The following MCPH1 variants were observed in gnomAD, a reference collection of about 807,000 sequenced individuals.
MCPH1 encodes microcephalin.
In MCPH1, 104 loss-of-function variants were observed where a neutral mutation model predicts 84.5. That is an observed-to-expected ratio of 1.23 (90% CI 1.05 to 1.45). The LOEUF is 1.45. Among genes scored for constraint, MCPH1 ranks in the 40% most tolerant of loss-of-function variants. The pLI is 0.00. For synonymous variants in MCPH1, 514 were observed against 366.8 expected, an observed-to-expected ratio of 1.40 and a Z score of -4.58; for missense variants, 1,498 against 1,005.7, an observed-to-expected ratio of 1.49 and a Z score of -6.62.
chr8:6,481,833 A>G (rs372477454), intron 11 of MCPH1, among the ~76,000 whole-genome samples: 3 of 152,294 alleles, frequency 2.0e-5, no homozygotes, highest in South Asian at 4.1e-4. Context: ...GTTTATTTGG[A>G]TGAAAGACAG....
chr8:6,607,161 G>C (rs1418934347), intron 12 of MCPH1, among the ~76,000 whole-genome samples: 1 of 152,124 alleles, frequency 6.6e-6, no homozygotes, highest in South Asian at 2.1e-4. Flanking sequence ...TCTCCCCTGG[G>C]GCAGGTTATA....
chr8:6,463,450 G>C (rs909248720), intron 9 of MCPH1, among the ~76,000 whole-genome samples: 5 of 152,198 alleles, frequency 3.3e-5, no homozygotes, highest in Non-Finnish European at 7.3e-5. Flanking sequence ...TGAAAAGAAA[G>C]TATATTTCAG....
At chr8:6,514,807 A>G in intron 12 of MCPH1, 2 of 1,596,272 alleles carry the variant, frequency 1.3e-6, no homozygotes, top group South Asian at 2.2e-5. Context: ...GGTATAAGTG[A>G]CAGAGCCCCC....
At chr8:6,432,959 T>C (rs561851634) in intron 4 of MCPH1, among the ~76,000 whole-genome samples, 1 of 152,232 alleles carries the variant, frequency 6.6e-6, no homozygotes. Flanking sequence ...CAGCTTTCAA[T>C]TTGATGAGTA....
chr8:6,482,949 G>A (rs1356740462), intron 11 of MCPH1, among the ~76,000 whole-genome samples: 1 of 152,146 alleles, frequency 6.6e-6, no homozygotes, highest in Non-Finnish European at 1.5e-5. Flanking sequence ...GATAATAAAA[G>A]GCATGTAGGT....
At chr8:6,480,953 A>C (rs1586026807) in intron 11 of MCPH1, 77 bp downstream of exon 11, 6 of 1,532,170 alleles carry the variant, frequency 3.9e-6, no homozygotes, top group Non-Finnish European at 5.4e-6. Context: ...TGCCGACATC[A>C]GCACTCAGGC....
chr8:6,514,250 T>C (rs1257494072), intron 12 of MCPH1, among the ~76,000 whole-genome samples: 2 of 152,142 alleles, frequency 1.3e-5, no homozygotes, highest in Non-Finnish European at 2.9e-5. Flanking sequence ...AGTGCAGTGG[T>C]GTGATCTTGG....
At chr8:6,598,357 T>C (rs1221692925) in intron 12 of MCPH1, among the ~76,000 whole-genome samples, 1 of 151,332 alleles carries the variant, frequency 6.6e-6, no homozygotes, top group African/African-American at 2.4e-5. Context: ...GATTGGAAAG[T>C]AGGAGGCAAA....
intron 13 of MCPH1, chr8:6,627,368 T>C (rs1056443861): frequency 1.1e-6 from 1 of 876,792 alleles, no homozygotes; most frequent in Non-Finnish European, 1.4e-6. Context: ...CCAGCCCCTC[T>C]CCTCCAAGGA....
In MCPH1 at chr8:6,513,706, A is replaced by T. The variant is rs766886825; in HGVS notation, c.2214+13777A>T. ...TAATTGAGTTCTTCACTTGAGAGAT[A>T]GAAATGTTCATACAATGAGTAAGCC... On this transcript the variant is annotated intron_variant, in intron 12 of 13. Transcript: ENST00000344683. 3.7e-6 allele frequency: 6 copies of T among 1,612,826 alleles called. 1 individual carries two copies. In the South Asian group the frequency reaches 6.6e-5, roughly 18 times the overall value.
At chr8:6,496,588 C>G (rs1404083664) in intron 11 of MCPH1, among the ~76,000 whole-genome samples, 2 of 150,544 alleles carry the variant, frequency 1.3e-5, no homozygotes. Flanking sequence ...AGTACCACAA[C>G]TGCAGTTGAA....
chr8:6,417,484 C>A lies in MCPH1; in HGVS notation c.233+2601C>A, dbSNP rs184568263. ...ACACCTTTTAAACGTTTGCATTTGT[C>A]CATAGTGCTCTCCTTCTTCTTCATT... On this transcript the variant is annotated intron_variant, in intron 3 of 13. Coordinates refer to ENST00000344683, the MANE Select transcript of MCPH1 (RefSeq NM_024596.5). Among the ~76,000 whole-genome samples the A allele has an allele frequency of 1.9e-3, 285 of 152,336 alleles. 1 individual carries two copies. The highest frequency in any genetic ancestry group is 6.7e-3 in the African/African-American group (277 of 41,562).
intron 10 of MCPH1, 37 bp from the exon 11 acceptor site, chr8:6,480,677 G>A: frequency 6.2e-7 from 1 of 1,611,760 alleles, no homozygotes; most frequent in Non-Finnish European, 8.5e-7. Context: ...GTGCAACAAA[G>A]TCATTCATTT....
intron 12 of MCPH1, among the ~76,000 whole-genome samples, chr8:6,544,633 T>A (rs547587525): frequency 6.6e-6 from 1 of 152,304 alleles, no homozygotes; most frequent in South Asian, 2.1e-4. Flanking sequence ...AACTTGGCCA[T>A]GAAATGAAGC....
intron 9 of MCPH1, among the ~76,000 whole-genome samples, chr8:6,470,698 A>G (rs1171093357): frequency 2.0e-5 from 3 of 152,192 alleles, no homozygotes. Context: ...ATACACATAA[A>G]CTTCTGGGCC....
chr8:6,639,843 C>G (rs951137981), intron 13 of MCPH1, among the ~76,000 whole-genome samples: 1 of 151,968 alleles, frequency 6.6e-6, no homozygotes, highest in African/African-American at 2.4e-5. Context: ...TTCTTTTTAA[C>G]CATTGGGAGG....
chr8:6,479,892 G>A (rs1808965809), intron 10 of MCPH1, among the ~76,000 whole-genome samples: 1 of 152,070 alleles, frequency 6.6e-6, no homozygotes, highest in African/African-American at 2.4e-5. Context: ...TGACAAATAG[G>A]TCCCAGATTT....
intron 13 of MCPH1, chr8:6,625,660 G>A (rs753137455): frequency 9.2e-5 from 91 of 985,138 alleles, no homozygotes; most frequent in Non-Finnish European, 1.1e-4. Flanking sequence ...AGCCGGGCGT[G>A]GTGGCCCATG....
intron 3 of MCPH1, among the ~76,000 whole-genome samples, chr8:6,426,248 C>T (rs544172282): frequency 1.1e-4 from 17 of 152,120 alleles, no homozygotes; most frequent in Non-Finnish European, 1.8e-4. Context: ...TGTACATTCA[C>T]GGGTTTTTTG....
Sources: allele counts gnomAD v4.1 joint callset (sites outside exome capture counted in the v4.1 genomes callset), GRCh38; gene constraint gnomAD v4.1.1; transcripts MANE v1.5; gene names NCBI Gene and HGNC (gene_info 2026-07-23, HGNC 2026-07-21).